Variants in ADCY9 observed in about 807,000 individuals in gnomAD.
ADCY9 encodes the protein adenylate cyclase type 9.
ADCY9 carries 50 observed loss-of-function variants against 101.5 expected under a neutral mutation model. That is an observed-to-expected ratio of 0.49 (90% confidence interval 0.39 to 0.62). The LOEUF (loss-of-function observed/expected upper bound fraction) is 0.62, where lower values mean the gene tolerates loss of function less well. Ranked by LOEUF, ADCY9 falls within the 20% of genes least tolerant of loss-of-function variation. The pLI is 0.00. For synonymous variants in ADCY9, 905 were observed against 769.3 expected, an observed-to-expected ratio of 1.18 and a Z score of -2.92; for missense variants, 1,662 against 1,800.4, an observed-to-expected ratio of 0.92 and a Z score of 1.39.
At chr16:3,980,935 G>A (rs2056136369) in intron 7 of ADCY9, among the ~76,000 whole-genome samples, 1 of 152,166 alleles carries the variant, frequency 6.6e-6, no homozygotes, top group Non-Finnish European at 1.5e-5. Context: ...GATGCAGGAA[G>A]CCTCCTGGAG....
chr16:4,054,719 C>T (rs867849442), intron 2 of ADCY9, among the ~76,000 whole-genome samples: 1 of 151,934 alleles, frequency 6.6e-6, no homozygotes. Flanking sequence ...TACAGGTGCC[C>T]GCCACCATGC....
At chr16:4,045,217 G>A (rs2056654355) in intron 2 of ADCY9, among the ~76,000 whole-genome samples, 1 of 151,994 alleles carries the variant, frequency 6.6e-6, no homozygotes, top group Admixed American at 6.6e-5. Context: ...GGAAGCTGAG[G>A]ACAAAGAGAT....
chr16:4,080,347 G>C (rs2056893791), intron 2 of ADCY9, among the ~76,000 whole-genome samples: 1 of 152,132 alleles, frequency 6.6e-6, no homozygotes, highest in Non-Finnish European at 1.5e-5. Flanking sequence ...AGGCTCAAGT[G>C]ATTCTCCTGC....
At chr16:4,064,550 G>A (rs1314543588) in intron 2 of ADCY9, among the ~76,000 whole-genome samples, 1 of 152,116 alleles carries the variant, frequency 6.6e-6, no homozygotes, top group African/African-American at 2.4e-5. Flanking sequence ...AGAGCTCACT[G>A]CAGCCTCAGT....
intron 2 of ADCY9, among the ~76,000 whole-genome samples, chr16:4,050,713 C>CAAA (rs5815192): frequency 0.092 from 6,312 of 68,456 alleles, 497 homozygotes; most frequent in South Asian, 0.13. Context: ...AACTCCGTCT[C>CAAA]AAAAAAAAAA....
At chr16:4,098,902 T>C (rs1237001000) in intron 2 of ADCY9, among the ~76,000 whole-genome samples, 1 of 151,820 alleles carries the variant, frequency 6.6e-6, no homozygotes, top group African/African-American at 2.4e-5. Context: ...GTTTGGGATT[T>C]TTTTTTATTG....
chr16:4,065,521 T>G (rs2056795888), intron 2 of ADCY9, among the ~76,000 whole-genome samples: 4 of 152,332 alleles, frequency 2.6e-5, no homozygotes, highest in South Asian at 2.1e-4. Flanking sequence ...AGAAGTCGAA[T>G]GTCGCACGTC....
intron 3 of ADCY9, among the ~76,000 whole-genome samples, chr16:4,003,014 T>C (rs12925070): frequency 0.053 from 8,140 of 152,172 alleles, 285 homozygotes; most frequent in Non-Finnish European, 0.085. Context: ...CTGAGCCCAG[T>C]TGGGTTTTCT....
At chr16:4,026,425 C>CAAAAA (rs34756033) in intron 2 of ADCY9, among the ~76,000 whole-genome samples, 4 of 97,732 alleles carry the variant, frequency 4.1e-5, no homozygotes, top group African/African-American at 4.2e-5. Context: ...GACTCCGTCT[C>CAAAAA]AAAAAAAAAA....
rs1315456828 is a variant in ADCY9 at position 4,108,887 on chromosome 16, G to C, written c.1693+4863C>G. ...CACCTGGTTAATTTTTGTATTTTTAGTAAATATGGGGTTTCACCACGTTGG... is the reference window on the plus strand; with the variant it reads ...CACCTGGTTAATTTTTGTATTTTTACTAAATATGGGGTTTCACCACGTTGG... On this transcript the variant is annotated intron_variant, in intron 2 of 10. Transcript: ENST00000294016. Among the ~76,000 whole-genome samples, 4 of 151,060 alleles carry C rather than the reference G, an allele frequency of 2.6e-5. No homozygotes were observed. The East Asian group carries it at 7.8e-4, about 29-fold the overall frequency.
chr16:4,114,631 G>C lies in ADCY9; in HGVS notation c.812C>G (p.Ser271Trp), dbSNP rs757209625. ...CCAGTGCAGGGCCCCGGCTCCGGGC[G>C]AGGGGAAGCAGGCTTCATCCCGGAA... ...YHFRDEACFP[S>W]PGAGALHWEL... Residue 271 changes from serine to tryptophan, a missense_variant, in exon 2 of 11, where the codon TCG becomes TGG. Coordinates refer to ENST00000294016, the MANE Select transcript of ADCY9 (RefSeq NM_001116.4). The surrounding 1 kb of genome is among the most constrained non-coding windows in gnomAD (Gnocchi z 4.3). 1 of 1,613,594 alleles carries C rather than the reference G, an allele frequency of 6.2e-7. No homozygotes were observed. The highest frequency in any genetic ancestry group is 8.5e-7 in the Non-Finnish European group (1 of 1,180,032).
chr16:3,976,760 C>T (rs140666869), intron 9 of ADCY9, among the ~76,000 whole-genome samples: 538 of 152,286 alleles, frequency 3.5e-3, no homozygotes, highest in Non-Finnish European at 5.0e-3. Flanking sequence ...CGGGTACAAG[C>T]GGTTCTCCTA....
At chr16:3,956,505 G>GT (rs1185563951) in intron 5 of ADCY9, among the ~76,000 whole-genome samples, 11 of 5,852 alleles carry the variant, frequency 1.9e-3, no homozygotes, top group Non-Finnish European at 6.1e-3. Flanking sequence ...TTTTTTTTTG[G>GT]GGGGGGATGG....
chr16:3,997,140 C>A (rs2056293420), intron 3 of ADCY9, among the ~76,000 whole-genome samples: 2 of 152,266 alleles, frequency 1.3e-5, no homozygotes, highest in South Asian at 4.1e-4. Flanking sequence ...GCTGGGATTA[C>A]AGGCGTGAGC....
At chr16:4,064,720 C>A (rs868287007) in intron 2 of ADCY9, among the ~76,000 whole-genome samples, 3 of 152,086 alleles carry the variant, frequency 2.0e-5, no homozygotes, top group African/African-American at 4.8e-5. Flanking sequence ...CTCAAGCAAT[C>A]CTCCCACCTG....
At chr16:4,036,416 G>A (rs184977264) in intron 2 of ADCY9, among the ~76,000 whole-genome samples, 1 of 147,370 alleles carries the variant, frequency 6.8e-6, no homozygotes, top group African/African-American at 2.4e-5. Context: ...GGCATTCAGG[G>A]TGCCCATCAC....
intron 2 of ADCY9, among the ~76,000 whole-genome samples, chr16:4,017,409 C>A (rs1354287796): frequency 6.7e-6 from 1 of 149,726 alleles, no homozygotes; most frequent in Non-Finnish European, 1.5e-5. Context: ...CTTTGGGAGG[C>A]CGAGGCGGGG....
rs1479277284 is a variant in ADCY9 at position 3,963,879 on chromosome 16, T to G, written c.*1896A>C. ...TCTGCGGTGTTTTATAATACATTCT[T>G]TAGAAGCAAGAGGTATTGTCACAAC... is the stretch of plus-strand genomic sequence containing the variant. On this transcript the variant is annotated 3_prime_UTR_variant, in exon 11 of 11. Transcript: ENST00000294016. 6.5e-6 allele frequency: 1 copy of G among 152,700 alleles called. No individual in the cohort carries two copies. Among genetic ancestry groups the G allele is most frequent in the African/African-American group, 2.4e-5 (1 of 41,458 alleles). 9.5% of individuals were successfully genotyped at this position (152,700 alleles called of 1,614,324 possible).
At chr16:4,072,418 T>G (rs574695879) in intron 2 of ADCY9, among the ~76,000 whole-genome samples, 3 of 152,296 alleles carry the variant, frequency 2.0e-5, no homozygotes, top group African/African-American at 7.2e-5. Context: ...CAAACAACTT[T>G]GATGTTATTG....
Sources: allele counts gnomAD v4.1 joint callset (sites outside exome capture counted in the v4.1 genomes callset), GRCh38; gene constraint gnomAD v4.1.1; non-coding constraint Gnocchi (gnomAD v3.1); transcripts MANE v1.5; gene names NCBI Gene and HGNC (gene_info 2026-07-23, HGNC 2026-07-21).